The following PDRG1 variants were observed in gnomAD, a reference collection of about 807,000 sequenced individuals.
The protein encoded by PDRG1 is p53 and DNA damage-regulated protein 1.
In PDRG1, 14 loss-of-function variants were observed where a neutral mutation model predicts 18.4. That is an observed-to-expected ratio of 0.76 (90% CI 0.50 to 1.19). The LOEUF is 1.19. Ranked by LOEUF, PDRG1 falls within the 50% of genes most tolerant of loss-of-function variation. PDRG1 has a pLI of 0.00. For missense variants in PDRG1, 177 were observed against 160.1 expected (o/e 1.11, Z -0.57); for synonymous variants, 65 against 60.9 (o/e 1.07, Z -0.31).
In PDRG1 at chr20:31,945,846, C is replaced by T; in HGVS notation, c.363G>A (p.Gln121=). 1 of 1,614,030 alleles carries T rather than the reference C, an allele frequency of 6.2e-7. No homozygotes were observed. Among genetic ancestry groups the T allele is most frequent in the Non-Finnish European group, 8.5e-7 (1 of 1,180,000 alleles). Residue 121 remains glutamine (Q), a synonymous_variant, in exon 5 of 5, where the codon CAG becomes CAA. Coordinates refer to ENST00000202017, the MANE Select transcript of PDRG1 (RefSeq NM_030815.3). ...LKGFNLNPLN[Q]DELKALKVIL... ...TGACCTTGAGAGCTTTAAGCTCATCCTGGTTGAGGGGGTTCAAGTTAAAAC... is the reference window on the plus strand; with the variant it reads ...TGACCTTGAGAGCTTTAAGCTCATCTTGGTTGAGGGGGTTCAAGTTAAAAC...
At chr20:31,951,158 T>C (rs1195504418) in intron 1 of PDRG1, among the ~76,000 whole-genome samples, 2 of 152,176 alleles carry the variant, frequency 1.3e-5, no homozygotes, top group Non-Finnish European at 2.9e-5. Flanking sequence ...AGTAAATACC[T>C]GACCCTTCTA....
Position 31,950,346 on chromosome 20 carries a change from G to C in PDRG1, c.129C>G (p.Gly43=). 1 of 1,613,114 alleles carries C rather than the reference G, an allele frequency of 6.2e-7. No homozygotes were observed. Among genetic ancestry groups the C allele is most frequent in the South Asian group, 1.1e-5 (1 of 91,058 alleles). The change falls in exon 2 of 5, where the codon GGC becomes GGG. Residue 43 remains glycine, a synonymous_variant. Coordinates refer to ENST00000202017, the MANE Select transcript of PDRG1 (RefSeq NM_030815.3). ...TGAGATCCTTCTGCAGGGCCCTCAGGCCCTCTCGATTCTGATTCCTTTTAG... is the reference window on the plus strand; with the variant it reads ...TGAGATCCTTCTGCAGGGCCCTCAGCCCCTCTCGATTCTGATTCCTTTTAG... ...LDTKRNQNRE[G]LRALQKDLSL...
chr20:31,950,500 C>T, intron 1 of PDRG1, 113 bp from the exon 2 acceptor site: 2 of 782,880 alleles, frequency 2.6e-6, no homozygotes, highest in South Asian at 1.6e-5. Flanking sequence ...ATTCAACGTC[C>T]TGCCTAAAAT....
chr20:31,950,635 C>G (rs1388987503), intron 1 of PDRG1, among the ~76,000 whole-genome samples: 1 of 152,200 alleles, frequency 6.6e-6, no homozygotes, highest in African/African-American at 2.4e-5. Flanking sequence ...ATGGGAAATT[C>G]TGCATTATCC....
chr20:31,950,169 A>G, intron 2 of PDRG1, 143 bp downstream of exon 2: 2 of 686,554 alleles, frequency 2.9e-6, no homozygotes, highest in East Asian at 2.7e-5. Flanking sequence ...TTGCTCCCCC[A>G]TCTCCCCGGA....
intron 1 of PDRG1, among the ~76,000 whole-genome samples, 169 bp downstream of exon 1, chr20:31,951,706 G>A (rs1249563824): frequency 2.6e-5 from 4 of 152,234 alleles, no homozygotes; most frequent in African/African-American, 9.6e-5. Context: ...GAAGAGAGAG[G>A]AATGTCCAGC....
chr20:31,949,683 G>C (rs2064340236), intron 2 of PDRG1, among the ~76,000 whole-genome samples: 1 of 152,134 alleles, frequency 6.6e-6, no homozygotes, highest in Non-Finnish European at 1.5e-5. Flanking sequence ...ATGGATTCAT[G>C]GGGGCTGGAT....
Position 31,945,440 on chromosome 20 carries a change from C to CCCCT in PDRG1, c.*363_*366dup, listed in dbSNP as rs2064307405. 5.5e-6 allele frequency: 1 copy of CCCCT among 180,920 alleles called. No homozygotes were observed. The highest frequency in any genetic ancestry group is 6.0e-5 in the Admixed American group (1 of 16,620). 11.2% of individuals were successfully genotyped at this position (180,920 alleles called of 1,614,324 possible). On this transcript the variant is annotated 3_prime_UTR_variant, in exon 5 of 5. Transcript: ENST00000202017. ...AATGCTGGAATGACACTCCACTCTG[C>CCCCT]CCCTCCCTCCCTCCTTCCTTGCTCA...
At chr20:31,950,435 G>C (rs1406552672) in intron 1 of PDRG1, 48 bp from the exon 2 acceptor site, 1 of 1,417,066 alleles carries the variant, frequency 7.1e-7, no homozygotes, top group Admixed American at 1.7e-5. Context: ...CTTGCCCCAA[G>C]CTGTCACCTC....
At chr20:31,946,623 G>C (rs376312575) in intron 3 of PDRG1, 47 bp from the exon 4 acceptor site, 3 of 1,524,974 alleles carry the variant, frequency 2.0e-6, no homozygotes, top group South Asian at 1.1e-5. Context: ...GTACCAGACA[G>C]ACTTGATCCC....
Position 31,945,783 on chromosome 20 carries a change from G to A in PDRG1, c.*24C>T, listed in dbSNP as rs573351364. The A allele has an allele frequency of 5.7e-5, 91 of 1,595,810 alleles. 3 individuals carry two copies. The South Asian group carries it at 9.8e-4, about 17-fold the overall frequency. On this transcript the variant is annotated 3_prime_UTR_variant, in exon 5 of 5. Transcript: ENST00000202017. ...CCTCCATGACCCTGGGGGGTTGCTGGTCCCCCATCTTGGTTCTTGAGTCTC... is the reference window on the plus strand; with the variant it reads ...CCTCCATGACCCTGGGGGGTTGCTGATCCCCCATCTTGGTTCTTGAGTCTC...
intron 2 of PDRG1, 83 bp from the exon 3 acceptor site, chr20:31,948,965 C>T: frequency 7.7e-7 from 1 of 1,293,578 alleles, no homozygotes; most frequent in African/African-American, 1.5e-5. Context: ...ATACAGACAA[C>T]AGAGCAGAAC....
intron 1 of PDRG1, among the ~76,000 whole-genome samples, 194 bp downstream of exon 1, chr20:31,951,681 G>A (rs547999814): frequency 2.0e-5 from 3 of 152,248 alleles, no homozygotes; most frequent in Non-Finnish European, 2.9e-5. Context: ...GCATGGCAAG[G>A]GGCAGAGAAA....
intron 2 of PDRG1, 63 bp from the exon 3 acceptor site, chr20:31,948,945 A>G (rs1177819046): frequency 2.1e-6 from 3 of 1,460,320 alleles, no homozygotes; most frequent in African/African-American, 2.8e-5. Context: ...TCTGCCAGGC[A>G]TTGTTTTAGA....
intron 3 of PDRG1, among the ~76,000 whole-genome samples, chr20:31,947,938 C>T (rs1257615427): frequency 6.6e-6 from 1 of 152,118 alleles, no homozygotes; most frequent in Non-Finnish European, 1.5e-5. Flanking sequence ...GACATCCTGT[C>T]TTCAGGGACT....
At position 31,945,772 on chromosome 20, in the gene PDRG1, G is replaced by A. The variant is rs753443507; in HGVS notation, c.*35C>T. 7 of 1,567,944 alleles carry A rather than the reference G, an allele frequency of 4.5e-6. No individual in the cohort carries two copies. Among genetic ancestry groups the A allele is most frequent in the African/African-American group, 2.7e-5 (2 of 73,950 alleles). ...GGGTCCTGGGTCCTCCATGACCCTG[G>A]GGGGTTGCTGGTCCCCCATCTTGGT... On this transcript the variant is annotated 3_prime_UTR_variant, in exon 5 of 5. Coordinates refer to ENST00000202017, the MANE Select transcript of PDRG1 (RefSeq NM_030815.3).
chr20:31,946,433 C>T, intron 4 of PDRG1, 63 bp downstream of exon 4: 2 of 1,441,836 alleles, frequency 1.4e-6, no homozygotes, highest in Non-Finnish European at 2.0e-6. Context: ...CCATCCCTGC[C>T]CTTCAAAGTC....
At chr20:31,946,035 G>C in intron 4 of PDRG1, 146 bp from the exon 5 acceptor site, 1 of 635,572 alleles carries the variant, frequency 1.6e-6, no homozygotes, top group South Asian at 1.9e-5. Context: ...CAATGCACCA[G>C]ATGAGGCATC....
intron 4 of PDRG1, 43 bp downstream of exon 4, chr20:31,946,453 G>A (rs769408443): frequency 2.0e-6 from 3 of 1,518,534 alleles, no homozygotes; most frequent in East Asian, 2.3e-5. Context: ...CCATGCTGAT[G>A]ATTCCCTCCC....
Sources: gnomAD v4.1 joint callset for allele counts (sites outside exome capture counted in the v4.1 genomes callset) on GRCh38, gnomAD v4.1.1 for gene constraint, MANE v1.5 for transcripts, NCBI Gene and HGNC (gene_info 2026-07-23, HGNC 2026-07-21) for gene names.